Variants in STX12 observed in about 807,000 individuals in gnomAD.
STX12 encodes the protein syntaxin-12.
In STX12, 17 loss-of-function variants were observed where a neutral mutation model predicts 42.2. The ratio of observed to expected loss-of-function variants is 0.40; its 90% CI spans 0.28 to 0.60. STX12 has a LOEUF of 0.60. Among genes scored for constraint, STX12 ranks in the 20% least tolerant of loss-of-function variants. The pLI is 0.39. For synonymous variants in STX12, 108 were observed against 116.7 expected (o/e 0.93, Z 0.48); for missense variants, 297 against 330.9 (o/e 0.90, Z 0.79).
intron 6 of STX12, among the ~76,000 whole-genome samples, chr1:27,816,991 G>A (rs562540291): frequency 1.6e-4 from 24 of 148,474 alleles, no homozygotes; most frequent in African/African-American, 5.0e-4. Flanking sequence ...AGGAAGGAAG[G>A]GGAGGGAGGA....
chr1:27,774,488 A>G (rs1312251337), intron 1 of STX12, among the ~76,000 whole-genome samples: 1 of 152,118 alleles, frequency 6.6e-6, no homozygotes, highest in East Asian at 1.9e-4. Context: ...TCTATATTTT[A>G]AAGAGTGTCA....
chr1:27,775,796 A>G (rs1047124817), intron 1 of STX12, among the ~76,000 whole-genome samples: 7 of 152,276 alleles, frequency 4.6e-5, no homozygotes, highest in Admixed American at 2.0e-4. Context: ...AAAGATTTGG[A>G]CCTTCGAAGG....
chr1:27,788,395 G>C (rs376982945), intron 1 of STX12, among the ~76,000 whole-genome samples: 1 of 152,178 alleles, frequency 6.6e-6, no homozygotes, highest in East Asian at 1.9e-4. Context: ...TCCCAGGCAG[G>C]CTGGCGTTAG....
chr1:27,804,810 C>CA (rs975417288), intron 4 of STX12, among the ~76,000 whole-genome samples: 208 of 119,774 alleles, frequency 1.7e-3, no homozygotes, highest in African/African-American at 3.5e-3. Context: ...GACTCCATCT[C>CA]AAAAAAAAAA....
At chr1:27,811,072 C>G (rs546836227) in intron 5 of STX12, among the ~76,000 whole-genome samples, 1 of 152,058 alleles carries the variant, frequency 6.6e-6, no homozygotes, top group African/African-American at 2.4e-5. Context: ...GTAATCCCAG[C>G]ACTTTGGGAG....
rs78833087 is a variant in STX12 at position 27,793,257 on chromosome 1, T to C, written c.189-276T>C. Among the ~76,000 whole-genome samples, 571 of 152,342 alleles carry C rather than the reference T, an allele frequency of 3.7e-3. 3 individuals carry two copies. The highest frequency in any genetic ancestry group is 0.012 in the African/African-American group (515 of 41,570). Reference sequence around the variant, plus strand: ...TATATTTTTATCAGAACTGCTGATATGCTTTTCTTCTCTTCCCAAAGAGTT... The same window carrying C: ...TATATTTTTATCAGAACTGCTGATACGCTTTTCTTCTCTTCCCAAAGAGTT... On this transcript the variant is annotated intron_variant, in intron 2 of 8. Coordinates refer to ENST00000373943, the MANE Select transcript of STX12 (RefSeq NM_177424.3).
At chr1:27,817,314 T>C (rs1238100533) in intron 6 of STX12, among the ~76,000 whole-genome samples, 3 of 152,204 alleles carry the variant, frequency 2.0e-5, no homozygotes, top group Non-Finnish European at 4.4e-5. Context: ...TGTCAGTCAG[T>C]TGGGAGTTAC....
chr1:27,821,670 G>T (rs1389421574), intron 8 of STX12, among the ~76,000 whole-genome samples: 1 of 152,066 alleles, frequency 6.6e-6, no homozygotes, highest in East Asian at 1.9e-4. Flanking sequence ...GGCAGCACAG[G>T]TATAGTTCCT....
At chr1:27,795,529 C>T (rs1451133538) in intron 3 of STX12, among the ~76,000 whole-genome samples, 1 of 152,126 alleles carries the variant, frequency 6.6e-6, no homozygotes, top group Non-Finnish European at 1.5e-5. Context: ...TGGTTTCAAA[C>T]TCCTGACCTC....
intron 8 of STX12, among the ~76,000 whole-genome samples, chr1:27,821,396 C>T (rs1338745577): frequency 2.0e-5 from 3 of 151,916 alleles, no homozygotes; most frequent in Non-Finnish European, 4.4e-5. Context: ...AGAGTTTAAA[C>T]AGAAAAATGT....
intron 5 of STX12, 102 bp from the exon 6 acceptor site, chr1:27,812,061 G>C: frequency 1.1e-6 from 1 of 929,544 alleles, no homozygotes; most frequent in South Asian, 1.4e-5. Flanking sequence ...TGGAGCCCTG[G>C]TAATGTCTTT....
At chr1:27,792,928 G>A (rs12079969) in intron 2 of STX12, among the ~76,000 whole-genome samples, 1 of 151,962 alleles carries the variant, frequency 6.6e-6, no homozygotes, top group Non-Finnish European at 1.5e-5. Context: ...TACTCCTTTT[G>A]TATTTTTAAC....
intron 3 of STX12, among the ~76,000 whole-genome samples, chr1:27,798,780 CAA>C (rs61253983): frequency 0.019 from 1,033 of 54,438 alleles, 13 homozygotes; most frequent in African/African-American, 0.054. Context: ...GACTCCGTCT[CAA>C]AAAAAAAAAA....
At chr1:27,793,435 C>T in intron 2 of STX12, 98 bp from the exon 3 acceptor site, 1 of 983,938 alleles carries the variant, frequency 1.0e-6, no homozygotes, top group Non-Finnish European at 1.5e-6. Flanking sequence ...AATGGCCCTT[C>T]ATTCCCTACG....
intron 4 of STX12, among the ~76,000 whole-genome samples, chr1:27,809,514 G>A (rs2088888760): frequency 2.1e-5 from 3 of 141,360 alleles, no homozygotes; most frequent in South Asian, 2.2e-4. Flanking sequence ...AGGCTGGAGT[G>A]CAGTGGCGCA....
At chr1:27,811,101 C>T (rs552103792) in intron 5 of STX12, among the ~76,000 whole-genome samples, 22 of 151,732 alleles carry the variant, frequency 1.4e-4, no homozygotes, top group African/African-American at 4.6e-4. Flanking sequence ...GGGTGGATCA[C>T]CTGAGGTCAG....
intron 4 of STX12, among the ~76,000 whole-genome samples, chr1:27,803,484 CTAAT>C (rs903500780): frequency 3.1e-4 from 47 of 152,120 alleles, no homozygotes; most frequent in African/African-American, 1.1e-3. Context: ...AGAATGAGGG[CTAAT>C]TAAAGACATT....
chr1:27,810,332 G>C, intron 5 of STX12, 43 bp downstream of exon 5: 1 of 1,526,806 alleles, frequency 6.5e-7, no homozygotes, highest in Non-Finnish European at 9.1e-7. Flanking sequence ...GTTGAGATGG[G>C]AATCTATCTC....
rs1338036572 is a variant in STX12 at position 27,819,730 on chromosome 1, C to G, written c.730C>G (p.Gln244Glu). 6.2e-7 allele frequency: 1 copy of G among 1,613,302 alleles called. No homozygotes were observed. Among genetic ancestry groups the G allele is most frequent in the African/African-American group, 1.3e-5 (1 of 75,028 alleles). The change falls in exon 8 of 9, where the codon CAG becomes GAG. Residue 244 changes from glutamine to glutamate, a missense_variant and splice_region_variant. Gln to Glu is a conservative substitution (Grantham distance 29). Coordinates refer to ENST00000373943, the MANE Select transcript of STX12 (RefSeq NM_177424.3). ...TEQLQRAAYY[Q>E]KKSRKKMCIL... ...ACAGTTACAGCGAGCTGCTTACTAT[C>G]AGGTAAAAGCGGGTACCAAAGAAAG...
Sources: gnomAD v4.1 joint callset for allele counts (sites outside exome capture counted in the v4.1 genomes callset) on GRCh38, gnomAD v4.1.1 for gene constraint, MANE v1.5 for transcripts, NCBI Gene and HGNC (gene_info 2026-07-23, HGNC 2026-07-21) for gene names.